Variants in LEF1 observed in about 807,000 individuals in gnomAD.
LEF1 encodes lymphoid enhancer binding factor 1, also known as lymphoid enhancer-binding factor 1.
In LEF1, 14 loss-of-function variants were observed where a neutral mutation model predicts 51.2. The ratio of observed to expected loss-of-function variants is 0.27; its 90% CI spans 0.18 to 0.43. The LOEUF (loss-of-function observed/expected upper bound fraction) is 0.43, where lower values mean the gene tolerates loss of function less well. Among genes scored for constraint, LEF1 ranks in the 20% least tolerant of loss-of-function variants. The pLI is 1.00. For missense variants in LEF1, 386 were observed against 512.0 expected (o/e 0.75, Z 2.37); for synonymous variants, 185 against 183.2 (o/e 1.01, Z -0.08).
intron 8 of LEF1, among the ~76,000 whole-genome samples, chr4:108,077,777 C>T (rs571645753): frequency 6.6e-6 from 1 of 152,276 alleles, no homozygotes; most frequent in South Asian, 2.1e-4. Flanking sequence ...CTCTGTGCAA[C>T]CCTCCAAGTG....
At chr4:108,059,298 A>G (rs1737517754) in intron 11 of LEF1, among the ~76,000 whole-genome samples, 1 of 152,192 alleles carries the variant, frequency 6.6e-6, no homozygotes, top group Admixed American at 6.5e-5. Flanking sequence ...GAAGCATTCC[A>G]TGAAACCCAT....
intron 5 of LEF1, among the ~76,000 whole-genome samples, chr4:108,082,226 T>C (rs890170959): frequency 6.6e-6 from 1 of 152,222 alleles, no homozygotes; most frequent in Non-Finnish European, 1.5e-5. Context: ...GTCCATTTTT[T>C]CCCTCTGTTC....
chr4:108,129,094 G>A (rs1560810680), intron 3 of LEF1, among the ~76,000 whole-genome samples: 2 of 152,106 alleles, frequency 1.3e-5, no homozygotes, highest in Non-Finnish European at 2.9e-5. Context: ...CATCCCTTCT[G>A]CTTCTATTCT....
At chr4:108,064,660 CA>C (rs1737938723) in intron 9 of LEF1, among the ~76,000 whole-genome samples, 1 of 6,438 alleles carries the variant, frequency 1.6e-4, no homozygotes, top group Non-Finnish European at 4.2e-4. Context: ...CTCACTCACA[CA>C]CACACACACA....
Position 108,167,489 on chromosome 4 carries a change from T to C in LEF1, c.213+66A>G. 1 of 1,554,732 alleles carries C rather than the reference T, an allele frequency of 6.4e-7. No individual in the cohort carries two copies. On this transcript the variant is annotated intron_variant, in intron 1 of 11. Coordinates refer to ENST00000265165, the MANE Select transcript of LEF1 (RefSeq NM_016269.5). The surrounding 1 kb of genome is among the most constrained non-coding windows in gnomAD (Gnocchi z 5.7). Reference sequence around the variant, plus strand: ...GGGCGGCCGGGCGCCTTCGTTCCCTTCCTCCCTCTCTGAGTTTCCCAGGGA... The same window carrying C: ...GGGCGGCCGGGCGCCTTCGTTCCCTCCCTCCCTCTCTGAGTTTCCCAGGGA...
chr4:108,152,149 G>A (rs1191689290), intron 3 of LEF1, among the ~76,000 whole-genome samples: 2 of 152,192 alleles, frequency 1.3e-5, no homozygotes, highest in Admixed American at 6.5e-5. Context: ...GGTGGGATCC[G>A]GAGGAACTTC....
Position 108,079,569 on chromosome 4 carries a change from A to G in LEF1, c.768T>C (p.Thr256=), listed in dbSNP as rs1333527634. The G allele has an allele frequency of 4.3e-6, 7 of 1,613,984 alleles. No homozygotes were observed. Among genetic ancestry groups the G allele is most frequent in the Admixed American group, 1.7e-5 (1 of 60,010 alleles). Reference sequence around the variant, plus strand: ...TTACAATAGCTGGATGAGGGATGCCAGTTGTGTGGGGACCAGGAGGACCGG... The same window carrying G: ...TTACAATAGCTGGATGAGGGATGCCGGTTGTGTGGGGACCAGGAGGACCGG... The part of the protein sequence containing the change: ...MIPGPPGPHT[T]GIPHPAIVTP... Residue 256 remains threonine (T), a synonymous_variant, in exon 7 of 12, where the codon ACT becomes ACC. Coordinates refer to ENST00000265165, the MANE Select transcript of LEF1 (RefSeq NM_016269.5).
intron 3 of LEF1, among the ~76,000 whole-genome samples, chr4:108,136,346 C>T (rs1290609442): frequency 6.6e-6 from 1 of 152,058 alleles, no homozygotes; most frequent in East Asian, 1.9e-4. Context: ...ACCTTCAAAA[C>T]TTAAATTCTA....
At chr4:108,076,128 C>T (rs1160167167) in intron 8 of LEF1, among the ~76,000 whole-genome samples, 1 of 152,190 alleles carries the variant, frequency 6.6e-6, no homozygotes, top group Admixed American at 6.5e-5. Flanking sequence ...CTTACTCTCA[C>T]ATCTCAGCTT....
chr4:108,144,221 C>T (rs1743853501), intron 3 of LEF1, among the ~76,000 whole-genome samples: 1 of 152,172 alleles, frequency 6.6e-6, no homozygotes, highest in African/African-American at 2.4e-5. Context: ...ATAAACCATT[C>T]CAATGTTTAT....
At chr4:108,140,677 C>T (rs574020344) in intron 3 of LEF1, among the ~76,000 whole-genome samples, 2 of 152,220 alleles carry the variant, frequency 1.3e-5, no homozygotes, top group African/African-American at 2.4e-5. Context: ...TAGCAAAGTG[C>T]GAGGTTACTC....
chr4:108,144,390 T>C (rs1743866342), intron 3 of LEF1, among the ~76,000 whole-genome samples: 1 of 152,164 alleles, frequency 6.6e-6, no homozygotes, highest in East Asian at 1.9e-4. Flanking sequence ...TGCTCTCCTG[T>C]CTTCCCCAAG....
At chr4:108,144,035 A>G (rs1011703246) in intron 3 of LEF1, among the ~76,000 whole-genome samples, 2 of 152,104 alleles carry the variant, frequency 1.3e-5, no homozygotes, top group African/African-American at 4.8e-5. Context: ...TACTGAAAAG[A>G]AAAGAAAACT....
chr4:108,066,102 C>T (rs1738061993), intron 9 of LEF1, among the ~76,000 whole-genome samples: 1 of 152,132 alleles, frequency 6.6e-6, no homozygotes, highest in Non-Finnish European at 1.5e-5. Flanking sequence ...GGAGTTTCAC[C>T]ACGTTGGCCA....
At chr4:108,061,876 G>T (rs13109482) in intron 11 of LEF1, among the ~76,000 whole-genome samples, 128,788 of 152,238 alleles carry the variant, frequency 0.85, 55,638 homozygotes, top group East Asian at 0.97. Context: ...CTGGAGGAAA[G>T]CTTGCCACTC....
chr4:108,083,395 G>C lies in LEF1; in HGVS notation c.599C>G (p.Ser200Cys). The change falls in exon 5 of 12, where the codon TCT (serine) becomes TGT (cysteine). Residue 200 changes from serine (S) to cysteine (C), a missense_variant. Ser to Cys is a moderately radical substitution (Grantham distance 112). Coordinates refer to ENST00000265165, the MANE Select transcript of LEF1 (RefSeq NM_016269.5). ...APDIPTFYPL[S>C]PGGVGQITPP... ...GGTGATCTGTCCAACACCACCCGGA[G>C]ACAAGGGATAAAAAGTAGGGATATC... is the stretch of plus-strand genomic sequence containing the variant. 1.2e-6 allele frequency: 2 copies of C among 1,613,862 alleles called. No homozygotes were observed. The highest frequency in any genetic ancestry group is 1.7e-6 in the Non-Finnish European group (2 of 1,179,786).
intron 11 of LEF1, among the ~76,000 whole-genome samples, chr4:108,049,916 G>A (rs2126250443): frequency 6.6e-6 from 1 of 152,360 alleles, no homozygotes; most frequent in South Asian, 2.1e-4. Flanking sequence ...GAGGACACCT[G>A]CCCTTCAGGC....
chr4:108,048,774 G>T (rs1220896814), intron 11 of LEF1, 23 bp from the exon 12 acceptor site: 2 of 1,567,120 alleles, frequency 1.3e-6, no homozygotes, highest in Non-Finnish European at 8.7e-7. Context: ...CAAATGAAAT[G>T]CTATTAATAT....
At chr4:108,149,458 C>CAAAAAAAAAAAAAAAAAAA (rs371482539) in intron 3 of LEF1, among the ~76,000 whole-genome samples, 16 of 60,588 alleles carry the variant, frequency 2.6e-4, no homozygotes, top group African/African-American at 1.1e-3. Flanking sequence ...GACTCCGTCT[C>CAAAAAAAAAAAAAAAAAAA]AAAAAAAAAA....
Sources: allele counts gnomAD v4.1 joint callset (sites outside exome capture counted in the v4.1 genomes callset), GRCh38; gene constraint gnomAD v4.1.1; non-coding constraint Gnocchi (gnomAD v3.1); transcripts MANE v1.5; gene names NCBI Gene and HGNC (gene_info 2026-07-23, HGNC 2026-07-21).